The following CACNB2 variants were observed in gnomAD, a reference collection of about 807,000 sequenced individuals.
The protein encoded by CACNB2 is voltage-dependent L-type calcium channel subunit beta-2.
CACNB2 carries 42 observed loss-of-function variants against 73.3 expected under a neutral mutation model. That is an observed-to-expected ratio of 0.57 (90% confidence interval 0.45 to 0.74). CACNB2 has a LOEUF of 0.74. Among genes scored for constraint, CACNB2 ranks in the 30% least tolerant of loss-of-function variants. The pLI is 0.00. For synonymous variants in CACNB2, 348 were observed against 310.3 expected (o/e 1.12, Z -1.28); for missense variants, 940 against 853.0 (o/e 1.10, Z -1.27).
At chr10:18,215,901 G>A (rs11013044) in intron 2 of CACNB2, among the ~76,000 whole-genome samples, 23,159 of 152,074 alleles carry the variant, frequency 0.15, 2,090 homozygotes, top group East Asian at 0.3. Context: ...TACTGAGATC[G>A]GGTCTAGATG....
chr10:18,393,740 T>C (rs899564992), intron 2 of CACNB2, among the ~76,000 whole-genome samples: 4 of 152,186 alleles, frequency 2.6e-5, no homozygotes, highest in Non-Finnish European at 5.9e-5. Flanking sequence ...AGCCGGTGTC[T>C]TGGCTTCTAT....
chr10:18,532,348 A>G (rs979765151), intron 10 of CACNB2, among the ~76,000 whole-genome samples: 1 of 152,160 alleles, frequency 6.6e-6, no homozygotes, highest in African/African-American at 2.4e-5. Context: ...TATATGTAAT[A>G]TATTTTAAGG....
chr10:18,400,978 T>C, intron 2 of CACNB2: 1 of 1,613,284 alleles, frequency 6.2e-7, no homozygotes. Context: ...CAGCGCGCAC[T>C]GAGAACCTGT....
intron 3 of CACNB2, among the ~76,000 whole-genome samples, chr10:18,474,468 G>A: frequency 6.6e-6 from 1 of 152,130 alleles, no homozygotes; most frequent in African/African-American, 2.4e-5. Context: ...CTAAACTAAG[G>A]TGCAATTAGG....
At chr10:18,314,604 A>G (rs1172727593) in intron 2 of CACNB2, among the ~76,000 whole-genome samples, 1 of 152,210 alleles carries the variant, frequency 6.6e-6, no homozygotes, top group Non-Finnish European at 1.5e-5. Flanking sequence ...GAGCCACCAT[A>G]AAGTAACTAA....
intron 2 of CACNB2, among the ~76,000 whole-genome samples, chr10:18,276,990 A>G (rs2038322150): frequency 6.6e-6 from 1 of 152,148 alleles, no homozygotes; most frequent in Non-Finnish European, 1.5e-5. Context: ...GGTGGTACGC[A>G]CCTGCAGTCC....
At chr10:18,369,805 G>A (rs1407008188) in intron 2 of CACNB2, among the ~76,000 whole-genome samples, 1 of 152,200 alleles carries the variant, frequency 6.6e-6, no homozygotes, top group Non-Finnish European at 1.5e-5. Context: ...TACTCAGGAG[G>A]CTGAGGCAGG....
Position 18,398,703 on chromosome 10 carries a change from ACACACACACAC to A in CACNB2, c.214-3220_214-3210del. ...CACACACACACACATACACACACAC[ACACACACACAC>A]AATTGTTTTTGTGTGAAAGTATATA... On this transcript the variant is annotated intron_variant, in intron 2 of 13. Coordinates refer to ENST00000324631, the MANE Select transcript of CACNB2 (RefSeq NM_201596.3). Among the ~76,000 whole-genome samples the A allele has an allele frequency of 2.0e-5, 3 of 147,178 alleles. No homozygotes were observed. In the East Asian group the frequency reaches 5.9e-4, roughly 29 times the overall value.
chr10:18,500,611 G>A (rs968890010), intron 4 of CACNB2, among the ~76,000 whole-genome samples: 6 of 152,166 alleles, frequency 3.9e-5, no homozygotes, highest in Admixed American at 6.5e-5. Context: ...GACAAGGAAC[G>A]CAGAGCCTTT....
intron 3 of CACNB2, among the ~76,000 whole-genome samples, chr10:18,422,081 G>A (rs1393515720): frequency 6.6e-6 from 1 of 152,186 alleles, no homozygotes; most frequent in Non-Finnish European, 1.5e-5. Context: ...TTTTGTAATG[G>A]TCTAGACGAA....
chr10:18,506,571 T>C (rs1417669069), intron 6 of CACNB2, 24 bp downstream of exon 6: 2 of 1,362,236 alleles, frequency 1.5e-6, no homozygotes. Context: ...AAATGCTGAA[T>C]AATACATACT....
chr10:18,393,832 G>A (rs991458840), intron 2 of CACNB2, among the ~76,000 whole-genome samples: 6 of 152,202 alleles, frequency 3.9e-5, no homozygotes, highest in Admixed American at 1.3e-4. Context: ...TCTGAAGTGA[G>A]GAAAATTTCA....
intron 1 of CACNB2, among the ~76,000 whole-genome samples, chr10:18,149,933 T>C (rs886667826): frequency 2.6e-5 from 4 of 152,234 alleles, no homozygotes; most frequent in African/African-American, 9.6e-5. Context: ...TTTCATCTAA[T>C]ACTTAACCCC....
At chr10:18,498,672 C>A (rs1456280845) in intron 4 of CACNB2, 195 bp downstream of exon 4, 12 of 601,812 alleles carry the variant, frequency 2.0e-5, no homozygotes, top group Middle Eastern at 4.7e-4. Context: ...AAGTCACAGG[C>A]CTCTTGCAAT....
Position 18,254,874 on chromosome 10 carries a change from C to T in CACNB2, c.213+103899C>T, listed in dbSNP as rs73597567. 8.0e-3 allele frequency among the ~76,000 whole-genome samples: 1,218 copies of T among 152,326 alleles called. 19 individuals are homozygous for T. The highest frequency in any genetic ancestry group is 0.028 in the African/African-American group (1,161 of 41,564). Reference sequence around the variant, plus strand: ...GGAAATGTTCAGGAATGAGAGAACACGGGAACGTGTATGTATTACATTGGG... The same window carrying T: ...GGAAATGTTCAGGAATGAGAGAACATGGGAACGTGTATGTATTACATTGGG... On this transcript the variant is annotated intron_variant, in intron 2 of 13. Coordinates refer to ENST00000324631, the MANE Select transcript of CACNB2 (RefSeq NM_201596.3).
At chr10:18,376,213 G>A (rs1385995574) in intron 2 of CACNB2, among the ~76,000 whole-genome samples, 2 of 152,124 alleles carry the variant, frequency 1.3e-5, no homozygotes, top group Admixed American at 6.6e-5. Context: ...ACTTGAGGTC[G>A]TTATGTTAAA....
In CACNB2 at chr10:18,417,211, C is replaced by T. The variant is rs879872963; in HGVS notation, c.333+15168C>T. On this transcript the variant is annotated intron_variant, in intron 3 of 13. Transcript: ENST00000324631. ...AACATCTTCGTGCAATTTTTTTTTG[C>T]TGTTGAGTCTGGATAGAGTTTACAA... 1.0e-3 allele frequency among the ~76,000 whole-genome samples: 152 copies of T among 148,130 alleles called. 1 individual carries two copies. Among genetic ancestry groups the T allele is most frequent in the Non-Finnish European group, 2.0e-3 (134 of 67,326 alleles).
At chr10:18,414,215 T>C (rs563414580) in intron 3 of CACNB2, among the ~76,000 whole-genome samples, 3 of 152,344 alleles carry the variant, frequency 2.0e-5, no homozygotes, top group African/African-American at 7.2e-5. Context: ...TACTCTAACT[T>C]TGAGATGTGC....
At chr10:18,487,824 G>A (rs1362695832) in intron 3 of CACNB2, among the ~76,000 whole-genome samples, 5 of 129,852 alleles carry the variant, frequency 3.9e-5, no homozygotes, top group Non-Finnish European at 8.0e-5. Flanking sequence ...GGGCAACAGA[G>A]CAAGACTCCA....
Sources: allele counts gnomAD v4.1 joint callset (sites outside exome capture counted in the v4.1 genomes callset), GRCh38; gene constraint gnomAD v4.1.1; transcripts MANE v1.5; gene names NCBI Gene and HGNC (gene_info 2026-07-23, HGNC 2026-07-21).